Variants in ZNF682 observed in about 807,000 individuals in gnomAD.
ZNF682 encodes the protein zinc finger protein 682.
In ZNF682, 29 loss-of-function variants were observed where a neutral mutation model predicts 36.5. The ratio of observed to expected loss-of-function variants is 0.80; its 90% confidence interval spans 0.59 to 1.08. The LOEUF is 1.08. Among genes scored for constraint, ZNF682 ranks in the 50% least tolerant of loss-of-function variants. The probability of loss-of-function intolerance (pLI) is 0.00; values close to 1 mark genes in which losing one functional copy is unlikely to be tolerated. For missense variants in ZNF682, 561 were observed against 579.7 expected (o/e 0.97, Z 0.33); for synonymous variants, 180 against 197.0 (o/e 0.91, Z 0.72).
downstream of ZNF682, among the ~76,000 whole-genome samples, chr19:19,999,793 C>G (rs2088153251): frequency 6.6e-6 from 1 of 152,190 alleles, no homozygotes; most frequent in South Asian, 2.1e-4. Flanking sequence ...CCTCGGCCTC[C>G]CAATTGCTGG....
At chr19:20,022,345 CCAAAA>C (rs56274466) in intron 3 of ZNF682, among the ~76,000 whole-genome samples, 4 of 148,848 alleles carry the variant, frequency 2.7e-5, no homozygotes, top group Non-Finnish European at 4.4e-5. Flanking sequence ...AAACCCAAAA[CCAAAA>C]CAAAACAAAA....
rs186914964 is a variant in ZNF682, at chr19:20,020,698, A to G, written c.226+2306T>C. ...TGACTGGATAAAGAAAATATGACAC[A>G]TATACACAATAGAGTATTATTCAGC... On this transcript the variant is annotated intron_variant, in intron 3 of 3. Coordinates refer to ENST00000397165, the MANE Select transcript of ZNF682 (RefSeq NM_033196.3). Among the ~76,000 whole-genome samples the G allele has an allele frequency of 1.1e-3, 169 of 152,310 alleles. 2 individuals are homozygous for G. Among genetic ancestry groups the G allele is most frequent in the African/African-American group, 3.9e-3 (163 of 41,572 alleles).
In ZNF682 at chr19:20,006,933, TAAG is replaced by T. The variant is rs1189473015; in HGVS notation, c.566_568del (p.Ser189del). On this transcript the variant is annotated inframe_deletion, in exon 4 of 4. Coordinates refer to ENST00000397165, the MANE Select transcript of ZNF682 (RefSeq NM_033196.3). ...CTCTTCAGTGTGAATTATCTTATGA[TAAG>T]AAAGGCCTGAGTGAGATTTAAAGAC... is the stretch of plus-strand genomic sequence containing the variant. The T allele has an allele frequency of 6.2e-7, 1 of 1,613,768 alleles. No individual in the cohort carries two copies. The highest frequency in any genetic ancestry group is 1.1e-5 in the South Asian group (1 of 91,030).
intron 1 of ZNF682, among the ~76,000 whole-genome samples, chr19:20,034,595 A>G (rs977999835): frequency 5.0e-5 from 3 of 59,730 alleles, no homozygotes; most frequent in Non-Finnish European, 3.7e-5. Context: ...CCTGACCAAC[A>G]TGGTGAAACC....
intron 1 of ZNF682, 155 bp from the exon 2 acceptor site, chr19:20,024,531 T>A (rs1378397320): frequency 3.3e-6 from 3 of 897,844 alleles, no homozygotes; most frequent in Admixed American, 3.4e-5. Flanking sequence ...TCTCTAACAC[T>A]GAGGAAAGAA....
chr19:20,018,467 T>C (rs1272910411), intron 3 of ZNF682, among the ~76,000 whole-genome samples: 1 of 152,204 alleles, frequency 6.6e-6, no homozygotes, highest in Non-Finnish European at 1.5e-5. Context: ...TTACACTTCC[T>C]GGTTTTATAA....
At chr19:20,023,780 G>A (rs1599612305) in intron 2 of ZNF682, among the ~76,000 whole-genome samples, 1 of 151,804 alleles carries the variant, frequency 6.6e-6, no homozygotes, top group East Asian at 2.0e-4. Context: ...TCAGGAGTTC[G>A]AGACCAGCCT....
intron 1 of ZNF682, among the ~76,000 whole-genome samples, chr19:20,032,197 GT>G (rs1466732792): frequency 6.6e-6 from 1 of 152,174 alleles, no homozygotes; most frequent in Non-Finnish European, 1.5e-5. Context: ...AAATTTGGGG[GT>G]TTCAGATTTA....
At chr19:20,034,966 C>T (rs7247489) in intron 1 of ZNF682, among the ~76,000 whole-genome samples, 34,572 of 149,770 alleles carry the variant, frequency 0.23, 4,594 homozygotes, top group African/African-American at 0.37. Flanking sequence ...CATGTTGGTG[C>T]GTGCCTGTAA....
intron 3 of ZNF682, among the ~76,000 whole-genome samples, chr19:20,011,898 G>A (rs981791218): frequency 1.3e-5 from 2 of 152,048 alleles, no homozygotes; most frequent in Non-Finnish European, 2.9e-5. Context: ...TTAGCCGGGC[G>A]TGGTGGCAGG....
chr19:20,016,090 C>A (rs982911959), intron 3 of ZNF682, among the ~76,000 whole-genome samples: 2 of 152,102 alleles, frequency 1.3e-5, no homozygotes, highest in South Asian at 4.1e-4. Flanking sequence ...GCGGGTGGAT[C>A]GCTTGAGCTC....
At position 20,005,977 on chromosome 19, in the gene ZNF682, T is replaced by C; in HGVS notation, c.*28A>G. 1 of 1,547,762 alleles carries C rather than the reference T, an allele frequency of 6.5e-7. No homozygotes were observed. The highest frequency in any genetic ancestry group is 2.3e-5 in the East Asian group (1 of 44,270). The stretch of plus-strand genomic sequence containing the variant: ...ATGGAATTTGCCACATTCTTTACAT[T>C]TGTAGGATTTCTCTTTAGTAAAAAT... On this transcript the variant is annotated 3_prime_UTR_variant, in exon 4 of 4. Transcript: ENST00000397165.
At chr19:20,003,059 T>C (rs545987582), downstream of ZNF682, among the ~76,000 whole-genome samples, 198 of 150,748 alleles carry the variant, frequency 1.3e-3, 1 homozygote, top group Middle Eastern at 3.5e-3. Flanking sequence ...GGCGTGGTGG[T>C]GGGCGCCTGT....
chr19:20,011,777 T>C (rs1004981634), intron 3 of ZNF682, among the ~76,000 whole-genome samples: 19 of 151,988 alleles, frequency 1.3e-4, no homozygotes, highest in African/African-American at 4.6e-4. Context: ...GTGGCTCATG[T>C]CTGCAATCCC....
At chr19:19,998,532 TCA>T (rs1369519243) in intron 3 of ZNF682, among the ~76,000 whole-genome samples, 1 of 152,152 alleles carries the variant, frequency 6.6e-6, no homozygotes, top group Non-Finnish European at 1.5e-5. Flanking sequence ...AAATACTATC[TCA>T]CAATTTGTGG....
chr19:20,006,675 T>G lies in ZNF682; in HGVS notation c.827A>C (p.Lys276Thr). Residue 276 changes from lysine (K) to threonine (T), a missense_variant, in exon 4 of 4, where the codon AAG becomes ACG. By Grantham distance (78) the Lys-to-Thr change is moderately conservative. Coordinates refer to ENST00000397165, the MANE Select transcript of ZNF682 (RefSeq NM_033196.3). ...GGGTTTTTCTCCTGTATGAATTTTC[T>G]TATGTCTAACAAAGGGTGAACACCA... ...FHWCSPFVRH[K>T]KIHTGEKPYT... is the part of the protein sequence containing the mutation. The G allele has an allele frequency of 6.2e-7, 1 of 1,614,080 alleles. No individual in the cohort carries two copies.
Position 20,006,750 on chromosome 19 carries a change from T to G in ZNF682, c.752A>C (p.His251Pro). 1 of 1,614,054 alleles carries G rather than the reference T, an allele frequency of 6.2e-7. No homozygotes were observed. Among genetic ancestry groups the G allele is most frequent in the Non-Finnish European group, 8.5e-7 (1 of 1,179,990 alleles). ...CSSLTKHKRI[H>P]TGEKPYKCEE... The stretch of plus-strand genomic sequence containing the variant: ...ACATTTGTAGGGTTTCTCACCAGTA[T>G]GGATTCTCTTATGTTTAGTAAGACT... Residue 251 changes from histidine (H) to proline (P), a missense_variant, in exon 4 of 4, where the codon CAT becomes CCT. By Grantham distance (77) the His-to-Pro change is moderately conservative. Transcript: ENST00000397165.
At chr19:20,004,382 G>C (rs1159483144), downstream of ZNF682, 1 of 152,126 alleles carries the variant, frequency 6.6e-6, no homozygotes, top group Non-Finnish European at 1.5e-5. Flanking sequence ...GTTAATGTTG[G>C]TGGCAGGATA....
intron 3 of ZNF682, among the ~76,000 whole-genome samples, chr19:20,020,174 A>G (rs377285633): frequency 8.5e-5 from 13 of 152,154 alleles, no homozygotes; most frequent in African/African-American, 2.9e-4. Context: ...TGGTAGAGTC[A>G]TTATGAAAAC....
Sources: allele counts gnomAD v4.1 joint callset (sites outside exome capture counted in the v4.1 genomes callset), GRCh38; gene constraint gnomAD v4.1.1; transcripts MANE v1.5; gene names NCBI Gene and HGNC (gene_info 2026-07-23, HGNC 2026-07-21).